Variants in ELMO2 observed in about 807,000 individuals in gnomAD.
ELMO2 encodes engulfment and cell motility protein 2.
ELMO2 carries 37 observed loss-of-function variants against 96.2 expected under a neutral mutation model. That is an observed-to-expected ratio of 0.38 (90% CI 0.30 to 0.51). The LOEUF (loss-of-function observed/expected upper bound fraction) is 0.51, where lower values mean the gene tolerates loss of function less well. Ranked by LOEUF, ELMO2 falls within the 20% of genes least tolerant of loss-of-function variation. The pLI is 0.88. For missense variants in ELMO2, 561 were observed against 912.6 expected, an observed-to-expected ratio of 0.61 and a Z score of 4.96; for synonymous variants, 315 against 329.4, an observed-to-expected ratio of 0.96 and a Z score of 0.47.
chr20:46,393,491 G>A (rs1242612690), intron 5 of ELMO2, 38 bp downstream of exon 5: 2 of 1,604,078 alleles, frequency 1.2e-6, no homozygotes, highest in Non-Finnish European at 1.7e-6. Flanking sequence ...TTAATTCCAA[G>A]CAAGGCCCAT....
At chr20:46,388,397 A>G (rs1482571006) in intron 7 of ELMO2, among the ~76,000 whole-genome samples, 1 of 152,192 alleles carries the variant, frequency 6.6e-6, no homozygotes, top group African/African-American at 2.4e-5. Context: ...CCTCTTTGGC[A>G]GGTTAGGCTC....
Position 46,371,290 on chromosome 20 carries a change from TAGA to T in ELMO2, c.1801+59_1801+61del. 1 of 1,524,672 alleles carries T rather than the reference TAGA, an allele frequency of 6.6e-7. No individual in the cohort carries two copies. The highest frequency in any genetic ancestry group is 1.1e-5 in the South Asian group (1 of 87,710). 94.4% of individuals were successfully genotyped at this position (1,524,672 alleles called of 1,614,324 possible). Reference sequence around the variant, plus strand: ...GATGATCAGCTACAAACAGCTGGACTAGAACTCCTGTCTCCTGACAAGTCCAGC... The same window carrying T: ...GATGATCAGCTACAAACAGCTGGACTACTCCTGTCTCCTGACAAGTCCAGC... On this transcript the variant is annotated intron_variant, in intron 19 of 21. Coordinates refer to ENST00000290246, the MANE Select transcript of ELMO2 (RefSeq NM_133171.5). This position sits in a 1 kb window ranked among gnomAD's most constrained non-coding sequence, Gnocchi z 5.9.
chr20:46,393,734 T>G lies in ELMO2; in HGVS notation c.120-133A>C. 2.9e-6 allele frequency: 3 copies of G among 1,028,010 alleles called. No homozygotes were observed. In the Admixed American group the frequency reaches 6.6e-5, roughly 23 times the overall value. The allele number at this position is 1,028,010 out of a possible 1,614,324, so 63.7% of individuals were successfully genotyped here. The stretch of plus-strand genomic sequence containing the variant: ...AATACAGTGGAAACAAAGCTTTAGG[T>G]TGTCATGTTGAAAAAATCATGGCCT... On this transcript the variant is annotated intron_variant, in intron 4 of 21. Transcript: ENST00000290246.
chr20:46,368,803 G>C, intron 21 of ELMO2, 88 bp downstream of exon 21: 2 of 1,424,994 alleles, frequency 1.4e-6, no homozygotes, highest in South Asian at 1.2e-5. Context: ...ACCCACCACA[G>C]GGGACTTTCC....
At chr20:46,402,748 TG>T (rs1392996009) in intron 1 of ELMO2, among the ~76,000 whole-genome samples, 12 of 152,370 alleles carry the variant, frequency 7.9e-5, no homozygotes, top group African/African-American at 2.9e-4. Flanking sequence ...GGCAAGGCCA[TG>T]CCACCAGTTA....
chr20:46,399,084 T>C (rs1284333770), intron 1 of ELMO2, among the ~76,000 whole-genome samples: 2 of 152,176 alleles, frequency 1.3e-5, no homozygotes, highest in East Asian at 1.9e-4. Flanking sequence ...CAGTGTCACA[T>C]AGCTAGCAAG....
intron 2 of ELMO2, among the ~76,000 whole-genome samples, chr20:46,395,572 G>C (rs778617333): frequency 6.6e-6 from 1 of 152,164 alleles, no homozygotes; most frequent in Non-Finnish European, 1.5e-5. Flanking sequence ...TAGCTGTCGC[G>C]AGGCTATTAT....
At chr20:46,388,597 G>A (rs1405328669) in intron 7 of ELMO2, among the ~76,000 whole-genome samples, 2 of 132,476 alleles carry the variant, frequency 1.5e-5, no homozygotes, top group African/African-American at 8.4e-5. Flanking sequence ...GAAGGCGTGT[G>A]TGTGTGTGTG....
At chr20:46,387,952 G>A (rs1350643199) in intron 7 of ELMO2, among the ~76,000 whole-genome samples, 1 of 152,214 alleles carries the variant, frequency 6.6e-6, no homozygotes, top group Non-Finnish European at 1.5e-5. Flanking sequence ...ACAGGGTTGT[G>A]GAGACGACAA....
intron 6 of ELMO2, among the ~76,000 whole-genome samples, chr20:46,392,105 G>T (rs1175599942): frequency 6.6e-6 from 1 of 152,152 alleles, no homozygotes; most frequent in Non-Finnish European, 1.5e-5. Flanking sequence ...TCATTAGACA[G>T]CTTTTCTGCT....
At chr20:46,391,933 C>T (rs2145835921) in intron 6 of ELMO2, among the ~76,000 whole-genome samples, 1 of 152,294 alleles carries the variant, frequency 6.6e-6, no homozygotes, top group African/African-American at 2.4e-5. Context: ...CGCATTATCA[C>T]CTTCTCTGTG....
At chr20:46,405,904 G>C (rs1044413530) in intron 1 of ELMO2, among the ~76,000 whole-genome samples, 1 of 152,122 alleles carries the variant, frequency 6.6e-6, no homozygotes, top group African/African-American at 2.4e-5. Flanking sequence ...CAAAAAAAAA[G>C]GAAAGGTTTC....
intron 6 of ELMO2, chr20:46,390,807 C>T (rs1190553385): frequency 6.6e-6 from 1 of 152,250 alleles, no homozygotes; most frequent in Non-Finnish European, 1.5e-5. Flanking sequence ...GCCTGCTGGC[C>T]CTCTCCCCTT....
At chr20:46,387,197 T>C in intron 8 of ELMO2, 141 bp downstream of exon 8, 1 of 662,344 alleles carries the variant, frequency 1.5e-6, no homozygotes, top group Non-Finnish European at 2.6e-6. Context: ...CACAGAAGAC[T>C]AGAGCTTGAG....
chr20:46,374,089 T>A (rs2059795123), intron 15 of ELMO2, among the ~76,000 whole-genome samples: 1 of 141,200 alleles, frequency 7.1e-6, no homozygotes, highest in African/African-American at 2.6e-5. Context: ...ACCAGTTGGC[T>A]AATTTTTGGT....
rs1261524394 is a variant in ELMO2, at chr20:46,387,321, A to C, written c.525+17T>G. ...CAGCTGAGGGAGGAGAGAAAGACAG[A>C]ATGTTGGAGGCCTCACCTGCTTAAT... On this transcript the variant is annotated intron_variant, in intron 8 of 21. Transcript: ENST00000290246. 6.2e-6 allele frequency: 10 copies of C among 1,610,242 alleles called. No individual in the cohort carries two copies. Among genetic ancestry groups the C allele is most frequent in the Non-Finnish European group, 7.6e-6 (9 of 1,176,898 alleles).
chr20:46,389,492 G>A (rs2060112931), intron 6 of ELMO2, among the ~76,000 whole-genome samples: 1 of 152,166 alleles, frequency 6.6e-6, no homozygotes, highest in Non-Finnish European at 1.5e-5. Context: ...GAGGCATCTG[G>A]GAGGCCCACT....
intron 1 of ELMO2, among the ~76,000 whole-genome samples, chr20:46,406,238 TCTCC>T (rs1335499700): frequency 6.6e-6 from 1 of 151,060 alleles, no homozygotes; most frequent in African/African-American, 2.4e-5. Flanking sequence ...CCTCCCTCCT[TCTCC>T]CTCCGACCGC....
chr20:46,397,694 TACAA>T (rs563705319), intron 2 of ELMO2, among the ~76,000 whole-genome samples: 1 of 151,900 alleles, frequency 6.6e-6, no homozygotes, highest in South Asian at 2.1e-4. Context: ...CATACATACA[TACAA>T]ACAAATAAAA....
Sources: allele counts gnomAD v4.1 joint callset (sites outside exome capture counted in the v4.1 genomes callset), GRCh38; gene constraint gnomAD v4.1.1; non-coding constraint Gnocchi (gnomAD v3.1); transcripts MANE v1.5; gene names NCBI Gene and HGNC (gene_info 2026-07-23, HGNC 2026-07-21).